GPC1: variants seen among roughly 807,000 people sequenced by gnomAD.
GPC1 encodes glypican-1.
Under a neutral mutation model 51.5 loss-of-function variants are expected in GPC1, and 26 were observed. That is an observed-to-expected ratio of 0.50 (90% CI 0.37 to 0.70). GPC1 has a LOEUF of 0.70. GPC1 is among the 30% of genes least tolerant of loss of function. The pLI is 0.00. For synonymous variants in GPC1, 380 were observed against 348.3 expected (o/e 1.09, Z -1.01); for missense variants, 775 against 800.5 (o/e 0.97, Z 0.38).
intron 4 of GPC1, chr2:240,464,364 A>G (rs2074241949): frequency 3.9e-6 from 2 of 508,946 alleles, no homozygotes; most frequent in Non-Finnish European, 7.2e-6. Context: ...AAGCATGCAG[A>G]ATGGCCTCTG....
At chr2:240,454,328 C>T (rs1297808530) in intron 1 of GPC1, among the ~76,000 whole-genome samples, 1 of 152,208 alleles carries the variant, frequency 6.6e-6, no homozygotes, top group Non-Finnish European at 1.5e-5. Flanking sequence ...CCAGGAAACC[C>T]CCTGGGTCGT....
chr2:240,456,350 G>A (rs549598862), intron 1 of GPC1, among the ~76,000 whole-genome samples: 28 of 152,216 alleles, frequency 1.8e-4, no homozygotes, highest in Non-Finnish European at 3.8e-4. Flanking sequence ...CCGGGACCTC[G>A]CGAGGGAGGG....
At chr2:240,439,833 G>C (rs1358302457) in intron 1 of GPC1, among the ~76,000 whole-genome samples, 1 of 152,204 alleles carries the variant, frequency 6.6e-6, no homozygotes, top group Non-Finnish European at 1.5e-5. Flanking sequence ...CCTTTGCTGT[G>C]TCGCTGCTCT....
intron 2 of GPC1, among the ~76,000 whole-genome samples, chr2:240,461,694 C>T (rs2074217239): frequency 1.3e-5 from 2 of 152,284 alleles, no homozygotes; most frequent in African/African-American, 4.8e-5. Flanking sequence ...GCAGCCGAGA[C>T]AGGGTGGCGG....
intron 1 of GPC1, among the ~76,000 whole-genome samples, chr2:240,444,780 A>G (rs955919993): frequency 6.6e-6 from 1 of 152,124 alleles, no homozygotes; most frequent in Non-Finnish European, 1.5e-5. Flanking sequence ...TGTCTGGCGC[A>G]TCCTTGGTGA....
chr2:240,439,817 C>G (rs751629919), intron 1 of GPC1, among the ~76,000 whole-genome samples: 2 of 152,222 alleles, frequency 1.3e-5, no homozygotes, highest in African/African-American at 2.4e-5. Context: ...CCCAGGTGGT[C>G]CTCAGCCTTT....
At chr2:240,463,924 C>G in intron 4 of GPC1, 1 of 255,074 alleles carries the variant, frequency 3.9e-6, no homozygotes. Context: ...CAGTGCCCAC[C>G]AGTACAGCGT....
Position 240,462,465 on chromosome 2 carries a change from G to C in GPC1, c.600G>C (p.Arg200=). 1 of 1,604,230 alleles carries C rather than the reference G, an allele frequency of 6.2e-7. No individual in the cohort carries two copies. The highest frequency in any genetic ancestry group is 1.3e-5 in the African/African-American group (1 of 74,872). The change falls in exon 3 of 9, where the codon CGG becomes CGC. Residue 200 remains arginine, a synonymous_variant. Transcript: ENST00000264039. The part of the protein sequence containing the change: ...DCLGKQAEAL[R]PFGEAPRELR... ...TGGGCAAGCAGGCCGAGGCGCTGCG[G>C]CCCTTCGGGGAGGCCCCGAGAGAGC...
chr2:240,442,232 C>G (rs6718152), intron 1 of GPC1: 21 of 149,408 alleles, frequency 1.4e-4, no homozygotes, highest in African/African-American at 4.9e-4. Flanking sequence ...GTTGCCGGGG[C>G]CCCCGCCTGG....
chr2:240,455,395 G>A (rs540433819), intron 1 of GPC1, among the ~76,000 whole-genome samples: 170 of 152,318 alleles, frequency 1.1e-3, no homozygotes, highest in Non-Finnish European at 1.8e-3. Flanking sequence ...GAGCAGGCCC[G>A]GTGACCTTGA....
rs200136097 is a variant in GPC1, at chr2:240,462,458, C to T, written c.593C>T (p.Ala198Val). Residue 198 changes from alanine (A) to valine (V), a missense_variant, in exon 3 of 9, where the codon GCG (alanine) becomes GTG (valine). Transcript: ENST00000264039. ...YLDCLGKQAE[A>V]LRPFGEAPRE... is the part of the protein sequence containing the mutation. ...GACTGCCTGGGCAAGCAGGCCGAGGCGCTGCGGCCCTTCGGGGAGGCCCCG... is the reference window on the plus strand; with the variant it reads ...GACTGCCTGGGCAAGCAGGCCGAGGTGCTGCGGCCCTTCGGGGAGGCCCCG... 3.8e-4 allele frequency: 617 copies of T among 1,605,166 alleles called. No individual in the cohort carries two copies. The highest frequency in any genetic ancestry group is 5.0e-4 in the Non-Finnish European group (586 of 1,177,004).
At chr2:240,438,903 C>A (rs1168897446) in intron 1 of GPC1, among the ~76,000 whole-genome samples, 1 of 152,204 alleles carries the variant, frequency 6.6e-6, no homozygotes, top group African/African-American at 2.4e-5. Flanking sequence ...CCCGGCCACC[C>A]TCCCTTTATG....
At chr2:240,439,353 C>T (rs1476165496) in intron 1 of GPC1, among the ~76,000 whole-genome samples, 1 of 152,228 alleles carries the variant, frequency 6.6e-6, no homozygotes, top group African/African-American at 2.4e-5. Context: ...TTCTCAGGGT[C>T]TCCCAGCCTG....
chr2:240,437,616 G>A (rs958734079), intron 1 of GPC1, among the ~76,000 whole-genome samples: 1 of 152,158 alleles, frequency 6.6e-6, no homozygotes, highest in African/African-American at 2.4e-5. Flanking sequence ...GCAGCACAAG[G>A]CCCTCGGCAC....
chr2:240,460,989 C>A (rs558388216), intron 2 of GPC1, among the ~76,000 whole-genome samples: 2 of 152,270 alleles, frequency 1.3e-5, no homozygotes, highest in South Asian at 4.1e-4. Context: ...CTGTGTCCGC[C>A]CCCCCACCAG....
Position 240,435,897 on chromosome 2 carries a change from C to CG in GPC1, c.-17dup. ...TCCGAGAGAGGCGCGGGCGGGTGGC[C>CG]GGGGGCGCCGCCGGCCCCGCCATGG... On this transcript the variant is annotated 5_prime_UTR_variant, in exon 1 of 9. Coordinates refer to ENST00000264039, the MANE Select transcript of GPC1 (RefSeq NM_002081.3). 1 of 1,223,036 alleles carries CG rather than the reference C, an allele frequency of 8.2e-7. No individual in the cohort carries two copies. The highest frequency in any genetic ancestry group is 1.0e-6 in the Non-Finnish European group (1 of 979,790). 75.8% of individuals were successfully genotyped at this position (1,223,036 alleles called of 1,614,324 possible).
intron 1 of GPC1, chr2:240,450,586 C>A: frequency 2.1e-6 from 1 of 470,752 alleles, no homozygotes; most frequent in South Asian, 1.5e-5. Flanking sequence ...GACAGCTAGA[C>A]CTCTGGGAAC....
At position 240,466,274 on chromosome 2, in the gene GPC1, G is replaced by C. The variant is rs771147575; in HGVS notation, c.1661G>C (p.Arg554Thr). 3 of 1,598,866 alleles carry C rather than the reference G, an allele frequency of 1.9e-6. No homozygotes were observed. Among genetic ancestry groups the C allele is most frequent in the African/African-American group, 2.7e-5 (2 of 74,754 alleles). The stretch of plus-strand genomic sequence containing the variant: ...CTCTTCCTGGCCCTTACAGTAGCCA[G>C]GCCCCGGTGGCGGTAACTGCCCCAA... ...LLLFLALTVA[R>T]PRWR The change falls in exon 9 of 9, where the codon AGG becomes ACG. Residue 554 changes from arginine (R) to threonine (T), a missense_variant. Physicochemically the swap from Arg to Thr is moderately conservative, Grantham distance 71 (BLOSUM62 -1). Transcript: ENST00000264039.
In GPC1 at chr2:240,437,653, C is replaced by G. The variant is rs529789893; in HGVS notation, c.166+1569C>G. Among the ~76,000 whole-genome samples, 6 of 152,328 alleles carry G rather than the reference C, an allele frequency of 3.9e-5. No individual in the cohort carries two copies. In the South Asian group the frequency reaches 1.2e-3, roughly 32 times the overall value. ...GTTGGGTTCGTTCTCTGCCCCTCTA[C>G]TCACACATAAAGAGGCATCCCTGGC... On this transcript the variant is annotated intron_variant, in intron 1 of 8. Coordinates refer to ENST00000264039, the MANE Select transcript of GPC1 (RefSeq NM_002081.3).
Sources: allele counts gnomAD v4.1 joint callset (sites outside exome capture counted in the v4.1 genomes callset), GRCh38; gene constraint gnomAD v4.1.1; transcripts MANE v1.5; gene names NCBI Gene and HGNC (gene_info 2026-07-23, HGNC 2026-07-21).